WWOX: variants seen among roughly 807,000 people sequenced by gnomAD.
WWOX encodes WW domain-containing oxidoreductase.
Under a neutral mutation model 46.2 loss-of-function variants are expected in WWOX, and 69 were observed. That is an observed-to-expected ratio of 1.49 (90% CI 1.23 to 1.82). The LOEUF is 1.82. WWOX is among the 40% of genes most tolerant of loss of function. The pLI is 0.00. For missense variants in WWOX, 919 were observed against 542.6 expected, an observed-to-expected ratio of 1.69 and a Z score of -6.89; for synonymous variants, 359 against 202.6, an observed-to-expected ratio of 1.77 and a Z score of -6.56.
chr16:78,395,180 ATGT>A (rs2082258244), intron 6 of WWOX, among the ~76,000 whole-genome samples: 1 of 152,130 alleles, frequency 6.6e-6, no homozygotes, highest in Non-Finnish European at 1.5e-5. Flanking sequence ...GGAAAAGGGG[ATGT>A]TGTGCTCAGA....
chr16:78,495,955 G>C (rs944644905), intron 8 of WWOX: 1 of 152,182 alleles, frequency 6.6e-6, no homozygotes, highest in African/African-American at 2.4e-5. Flanking sequence ...GATTCCTTGA[G>C]AGAGGAACAT....
intron 5 of WWOX, among the ~76,000 whole-genome samples, chr16:78,187,290 A>C (rs1183580396): frequency 6.6e-6 from 1 of 152,178 alleles, no homozygotes; most frequent in African/African-American, 2.4e-5. Context: ...AGGTGGGCAC[A>C]AAGAAAAGAG....
intron 5 of WWOX, among the ~76,000 whole-genome samples, chr16:78,302,419 C>T (rs2080057417): frequency 6.6e-6 from 1 of 152,208 alleles, no homozygotes; most frequent in East Asian, 1.9e-4. Flanking sequence ...AGCCCAGAGA[C>T]AAGCCACAGC....
chr16:78,861,676 C>T (rs928006102), intron 8 of WWOX, among the ~76,000 whole-genome samples: 11 of 152,182 alleles, frequency 7.2e-5, no homozygotes, highest in Admixed American at 6.5e-4. Context: ...TCCAATCATT[C>T]TCTAAATATT....
chr16:78,819,089 T>C (rs2051422499), intron 8 of WWOX, among the ~76,000 whole-genome samples: 1 of 152,172 alleles, frequency 6.6e-6, no homozygotes, highest in Non-Finnish European at 1.5e-5. Flanking sequence ...TACTCAGGTG[T>C]TCATTCCACA....
intron 8 of WWOX, among the ~76,000 whole-genome samples, chr16:79,020,182 A>G (rs560781086): frequency 3.3e-5 from 5 of 152,338 alleles, no homozygotes; most frequent in African/African-American, 1.2e-4. Flanking sequence ...GGAAGAAAAG[A>G]GAGGCAGAAC....
At chr16:78,753,326 A>C (rs759390733) in intron 8 of WWOX, among the ~76,000 whole-genome samples, 54 of 152,042 alleles carry the variant, frequency 3.6e-4, no homozygotes, top group Admixed American at 4.6e-4. Context: ...CTCAAAAAAA[A>C]AGAAAAAAGA....
chr16:79,028,471 A>G (rs2047689747), intron 8 of WWOX, among the ~76,000 whole-genome samples: 1 of 151,788 alleles, frequency 6.6e-6, no homozygotes, highest in Admixed American at 6.6e-5. Context: ...AGTTGATAAA[A>G]AAGCACAAAT....
At chr16:78,910,031 T>A (rs2045067654) in intron 8 of WWOX, among the ~76,000 whole-genome samples, 1 of 152,246 alleles carries the variant, frequency 6.6e-6, no homozygotes, top group Non-Finnish European at 1.5e-5. Context: ...ACATTTGATG[T>A]AATTGCCCAT....
rs569198689 is a variant in WWOX at position 78,814,596 on chromosome 16, C to G, written c.1056+381844C>G. ...TGTACTTTTCCAACCTATCCAATTTCAAGATGTATCCTTTGTGGATTACAT... is the reference window on the plus strand; with the variant it reads ...TGTACTTTTCCAACCTATCCAATTTGAAGATGTATCCTTTGTGGATTACAT... On this transcript the variant is annotated intron_variant, in intron 8 of 8. Coordinates refer to ENST00000566780, the MANE Select transcript of WWOX (RefSeq NM_016373.4). Among the ~76,000 whole-genome samples the G allele has an allele frequency of 2.0e-5, 3 of 152,258 alleles. No individual in the cohort carries two copies. In the South Asian group the frequency reaches 6.2e-4, roughly 32 times the overall value.
At chr16:78,655,019 G>A (rs1027414017) in intron 8 of WWOX, among the ~76,000 whole-genome samples, 3 of 151,942 alleles carry the variant, frequency 2.0e-5, no homozygotes, top group Admixed American at 6.6e-5. Context: ...ATTTTGTGTC[G>A]GTACTTGCTT....
intron 8 of WWOX, among the ~76,000 whole-genome samples, chr16:78,454,373 TG>T: frequency 6.6e-6 from 1 of 151,208 alleles, no homozygotes; most frequent in East Asian, 1.9e-4. Flanking sequence ...TGTGTGTGTG[TG>T]TGTGTGTATT....
chr16:78,268,993 A>G (rs2079422688), intron 5 of WWOX: 1 of 152,148 alleles, frequency 6.6e-6, no homozygotes, highest in Admixed American at 6.5e-5. Context: ...GTACACATAT[A>G]TAAGATTTTG....
chr16:79,211,138 A>C (rs770680368), intron 8 of WWOX, among the ~76,000 whole-genome samples: 1 of 152,048 alleles, frequency 6.6e-6, no homozygotes, highest in Non-Finnish European at 1.5e-5. Context: ...ATCTGGCAGC[A>C]GCCCCACTTG....
intron 8 of WWOX, among the ~76,000 whole-genome samples, chr16:78,912,691 C>T (rs2045142862): frequency 6.6e-6 from 1 of 151,980 alleles, no homozygotes; most frequent in African/African-American, 2.4e-5. Context: ...AAGGCAGTCC[C>T]TTCAGCTCTC....
At chr16:79,191,442 C>G (rs962423768) in intron 8 of WWOX, among the ~76,000 whole-genome samples, 1 of 152,050 alleles carries the variant, frequency 6.6e-6, no homozygotes, top group Admixed American at 6.6e-5. Flanking sequence ...ACACCTTTAT[C>G]TTTGCATTTC....
At chr16:78,780,331 C>G (rs972362309) in intron 8 of WWOX, 1 of 152,156 alleles carries the variant, frequency 6.6e-6, no homozygotes, top group Non-Finnish European at 1.5e-5. Flanking sequence ...CATGAATTGA[C>G]TGGTTTATTC....
At chr16:79,116,690 C>A (rs924971186) in intron 8 of WWOX, among the ~76,000 whole-genome samples, 2 of 151,992 alleles carry the variant, frequency 1.3e-5, no homozygotes, top group East Asian at 3.9e-4. Flanking sequence ...ACTTTTGAAC[C>A]CCTCAGAGTC....
intron 8 of WWOX, among the ~76,000 whole-genome samples, chr16:78,572,602 C>CAAAA (rs35178787): frequency 1.6e-3 from 67 of 41,450 alleles, no homozygotes; most frequent in African/African-American, 2.2e-3. Context: ...GACTCTGTCT[C>CAAAA]AAAAAAAAAA....
Sources: allele counts gnomAD v4.1 joint callset (sites outside exome capture counted in the v4.1 genomes callset), GRCh38; gene constraint gnomAD v4.1.1; transcripts MANE v1.5; gene names NCBI Gene and HGNC (gene_info 2026-07-23, HGNC 2026-07-21).